Variants in TRDN observed in about 807,000 individuals in gnomAD.
The protein encoded by TRDN is triadin in skeletal muscle.
Under a neutral mutation model 149.7 loss-of-function variants are expected in TRDN, and 161 were observed. The ratio of observed to expected loss-of-function variants is 1.08; its 90% CI spans 0.95 to 1.23. The LOEUF is 1.23. TRDN is among the 50% of genes most tolerant of loss of function. The pLI, the probability that TRDN is intolerant of heterozygous loss-of-function variation, is 0.00. For synonymous variants in TRDN, 294 were observed against 250.5 expected (o/e 1.17, Z -1.64); for missense variants, 896 against 823.5 (o/e 1.09, Z -1.08).
At chr6:123,401,860 T>C (rs570695108) in intron 12 of TRDN, among the ~76,000 whole-genome samples, 2 of 151,620 alleles carry the variant, frequency 1.3e-5, no homozygotes, top group South Asian at 2.1e-4. Flanking sequence ...GGCAGGAGAA[T>C]TGCTTGAACC....
At chr6:123,270,780 T>C (rs1777179859) in intron 30 of TRDN, among the ~76,000 whole-genome samples, 2 of 151,962 alleles carry the variant, frequency 1.3e-5, no homozygotes, top group Admixed American at 1.3e-4. Context: ...TAGTAGAAAG[T>C]TTCAGACTTC....
intron 38 of TRDN, among the ~76,000 whole-genome samples, chr6:123,247,237 T>C (rs904880122): frequency 6.6e-6 from 1 of 152,228 alleles, no homozygotes; most frequent in Non-Finnish European, 1.5e-5. Flanking sequence ...AACATAGTGT[T>C]GGAAGTTCTA....
At chr6:123,485,860 A>T (rs1310338561) in intron 9 of TRDN, among the ~76,000 whole-genome samples, 1 of 151,782 alleles carries the variant, frequency 6.6e-6, no homozygotes, top group Non-Finnish European at 1.5e-5. Context: ...ATTCTATTTA[A>T]TTTTTTTCTC....
intron 20 of TRDN, among the ~76,000 whole-genome samples, chr6:123,358,317 G>A (rs915901506): frequency 2.6e-5 from 4 of 152,222 alleles, no homozygotes; most frequent in Middle Eastern, 3.4e-3. Flanking sequence ...GAGCTGGGAC[G>A]TTGATTTTAT....
intron 38 of TRDN, among the ~76,000 whole-genome samples, chr6:123,242,744 A>G (rs1441441957): frequency 6.6e-6 from 1 of 152,074 alleles, no homozygotes; most frequent in Non-Finnish European, 1.5e-5. Flanking sequence ...GCTCTGGAAT[A>G]TGGGGAAAGT....
At chr6:123,523,571 C>T (rs559369915) in intron 5 of TRDN, among the ~76,000 whole-genome samples, 1 of 152,002 alleles carries the variant, frequency 6.6e-6, no homozygotes, top group South Asian at 2.1e-4. Context: ...GGGGTTAATG[C>T]TGGGAAATCA....
chr6:123,403,704 A>G (rs1406675407), intron 12 of TRDN, among the ~76,000 whole-genome samples: 1 of 152,200 alleles, frequency 6.6e-6, no homozygotes, highest in Non-Finnish European at 1.5e-5. Context: ...CAGTACTCTG[A>G]TCAATGATGA....
chr6:123,482,944 G>A (rs941094435), intron 9 of TRDN, among the ~76,000 whole-genome samples: 1 of 151,830 alleles, frequency 6.6e-6, no homozygotes, highest in Admixed American at 6.6e-5. Flanking sequence ...CAATAATCAC[G>A]TGTGAATAAC....
chr6:123,446,555 A>C (rs1775376060), intron 10 of TRDN, among the ~76,000 whole-genome samples: 2 of 135,322 alleles, frequency 1.5e-5, no homozygotes, highest in South Asian at 5.2e-4. Flanking sequence ...ACTGCACTCC[A>C]GTCTGGGCAA....
At chr6:123,433,534 G>A (rs1774429555) in intron 12 of TRDN, among the ~76,000 whole-genome samples, 1 of 151,884 alleles carries the variant, frequency 6.6e-6, no homozygotes, top group African/African-American at 2.4e-5. Flanking sequence ...ATGCATGCAT[G>A]CATGAATGAA....
Position 123,392,946 on chromosome 6 carries a change from A to T in TRDN, c.1105+678T>A, listed in dbSNP as rs1391005244. 3.9e-5 allele frequency among the ~76,000 whole-genome samples: 6 copies of T among 152,090 alleles called. No individual in the cohort carries two copies. In the East Asian group the frequency reaches 9.6e-4, roughly 24 times the overall value. On this transcript the variant is annotated intron_variant, in intron 13 of 40. Coordinates refer to ENST00000334268, the MANE Select transcript of TRDN (RefSeq NM_006073.4). ...GATATTATATAATCTAGCATAGAAG[A>T]GATGATAAAGATCTTCTCCAGTAAA...
intron 1 of TRDN, among the ~76,000 whole-genome samples, chr6:123,575,016 T>C (rs1451195830): frequency 6.6e-6 from 1 of 151,360 alleles, no homozygotes; most frequent in East Asian, 1.9e-4. Flanking sequence ...ATTCTAAATT[T>C]GTATTCACTT....
At chr6:123,348,118 A>T (rs1933901) in intron 21 of TRDN, among the ~76,000 whole-genome samples, 142,520 of 152,138 alleles carry the variant, frequency 0.94, 66,855 homozygotes, top group East Asian at 0.99. Flanking sequence ...CCCAGACTTT[A>T]CAGGTCATAA....
intron 2 of TRDN, among the ~76,000 whole-genome samples, chr6:123,553,905 T>C (rs1412016340): frequency 6.6e-6 from 1 of 152,134 alleles, no homozygotes; most frequent in Non-Finnish European, 1.5e-5. Context: ...TATCAAACCA[T>C]ATCAGCATAG....
Position 123,366,190 on chromosome 6 carries a change from T to C in TRDN, c.1274-8A>G. 2 of 1,612,758 alleles carry C rather than the reference T, an allele frequency of 1.2e-6. No individual in the cohort carries two copies. The highest frequency in any genetic ancestry group is 1.7e-6 in the Non-Finnish European group (2 of 1,179,098). ...CTTTGGCTCGTTCAGTTTCTGCAAG[T>C]TCAGATATTAAAGGAATGAGAAGTG... On this transcript the variant is annotated splice_polypyrimidine_tract_variant and splice_region_variant and intron_variant, in intron 19 of 40. Transcript: ENST00000334268.
chr6:123,239,992 G>C (rs1775928723), intron 38 of TRDN, among the ~76,000 whole-genome samples: 1 of 151,894 alleles, frequency 6.6e-6, no homozygotes, highest in Non-Finnish European at 1.5e-5. Flanking sequence ...TGATAAATCT[G>C]AGAAGCATAA....
chr6:123,326,976 A>C (rs572580657), intron 23 of TRDN, among the ~76,000 whole-genome samples: 1 of 152,188 alleles, frequency 6.6e-6, no homozygotes, highest in East Asian at 1.9e-4. Context: ...GTCTTAAGAA[A>C]TTCTACTGTA....
chr6:123,531,695 C>T (rs1429233221), intron 4 of TRDN, among the ~76,000 whole-genome samples: 4 of 152,012 alleles, frequency 2.6e-5, no homozygotes, highest in Non-Finnish European at 5.9e-5. Context: ...TCCCTGAAAA[C>T]AATTCTCCAA....
chr6:123,526,193 A>T (rs1779939875), intron 5 of TRDN, among the ~76,000 whole-genome samples: 2 of 152,076 alleles, frequency 1.3e-5, no homozygotes, highest in Admixed American at 1.3e-4. Flanking sequence ...GCATCTTTAT[A>T]TGGTGTCTAC....
Sources: allele counts gnomAD v4.1 joint callset (sites outside exome capture counted in the v4.1 genomes callset), GRCh38; gene constraint gnomAD v4.1.1; transcripts MANE v1.5; gene names NCBI Gene and HGNC (gene_info 2026-07-23, HGNC 2026-07-21).